Variants in KCNH8 observed in about 807,000 individuals in gnomAD.
KCNH8 encodes the protein potassium voltage-gated channel subfamily H member 8, also known as voltage-gated delayed rectifier potassium channel KCNH8.
Under a neutral mutation model 103.6 loss-of-function variants are expected in KCNH8, and 70 were observed. That is an observed-to-expected ratio of 0.68 (90% CI 0.56 to 0.82). The LOEUF is 0.82. Among genes scored for constraint, KCNH8 ranks in the 40% least tolerant of loss-of-function variants. KCNH8 has a pLI of 0.00. For missense variants in KCNH8, 1,217 were observed against 1,329.9 expected (o/e 0.92, Z 1.32); for synonymous variants, 498 against 489.4 (o/e 1.02, Z -0.23).
intron 3 of KCNH8, among the ~76,000 whole-genome samples, chr3:19,300,963 G>A (rs1420963694): frequency 1.3e-5 from 2 of 151,158 alleles, no homozygotes; most frequent in Non-Finnish European, 2.9e-5. Flanking sequence ...ATGCTTTAGG[G>A]ATAAAAAATA....
intron 8 of KCNH8, 46 bp from the exon 9 acceptor site, chr3:19,450,060 T>C (rs2067423177): frequency 6.6e-7 from 1 of 1,506,600 alleles, no homozygotes; most frequent in Admixed American, 1.7e-5. Context: ...GTGGTGGGCC[T>C]CATGTCACAT....
At chr3:19,286,250 C>T (rs1046771788) in intron 3 of KCNH8, among the ~76,000 whole-genome samples, 3 of 152,162 alleles carry the variant, frequency 2.0e-5, no homozygotes, top group Admixed American at 2.0e-4. Context: ...GAAGCCTTAA[C>T]CCCCAGTTAT....
rs142682029 is a variant in KCNH8, at chr3:19,331,633, T to G, written c.443-10954T>G. 1.0e-3 allele frequency among the ~76,000 whole-genome samples: 158 copies of G among 152,226 alleles called. 4 individuals are homozygous for G. The East Asian group carries it at 0.025, about 24-fold the overall frequency. On this transcript the variant is annotated intron_variant, in intron 3 of 15. Coordinates refer to ENST00000328405, the MANE Select transcript of KCNH8 (RefSeq NM_144633.3). ...ATGGGTACATCATAGATGTAGGTAT[T>G]TATGGGATGCATAAGATATTTTGGT...
chr3:19,484,207 G>A lies in KCNH8; in HGVS notation c.2041-26156G>A, dbSNP rs144387707. ...AAACTGTGGACATGGGAGGCCCAGA[G>A]GGGTCATAACACACATCTGGCTGGT... is the stretch of plus-strand genomic sequence containing the variant. On this transcript the variant is annotated intron_variant, in intron 11 of 15. Coordinates refer to ENST00000328405, the MANE Select transcript of KCNH8 (RefSeq NM_144633.3). Among the ~76,000 whole-genome samples the A allele has an allele frequency of 1.2e-3, 179 of 152,228 alleles. 2 individuals are homozygous for A. The highest frequency in any genetic ancestry group is 4.3e-3 in the African/African-American group (177 of 41,524).
intron 1 of KCNH8, among the ~76,000 whole-genome samples, chr3:19,151,534 T>A (rs1453101556): frequency 6.6e-6 from 1 of 152,124 alleles, no homozygotes; most frequent in Non-Finnish European, 1.5e-5. Context: ...ATTATTAGCC[T>A]TATTAATTTA....
chr3:19,314,526 T>C (rs1453803407), intron 3 of KCNH8, among the ~76,000 whole-genome samples: 1 of 151,988 alleles, frequency 6.6e-6, no homozygotes, highest in Non-Finnish European at 1.5e-5. Flanking sequence ...GCCATGGTCA[T>C]GACATTGCAG....
intron 5 of KCNH8, among the ~76,000 whole-genome samples, chr3:19,373,335 G>C (rs183838433): frequency 0.6 from 90,294 of 151,686 alleles, 27,910 homozygotes; most frequent in African/African-American, 0.77. Context: ...CTGGTTTAGT[G>C]TTGGGAGAGT....
chr3:19,431,148 G>A (rs917013053), intron 7 of KCNH8, among the ~76,000 whole-genome samples: 1 of 152,060 alleles, frequency 6.6e-6, no homozygotes, highest in Non-Finnish European at 1.5e-5. Context: ...ATTATTTTGA[G>A]GTATGTTCCT....
chr3:19,477,156 T>A (rs2067993530), intron 11 of KCNH8, among the ~76,000 whole-genome samples: 1 of 152,174 alleles, frequency 6.6e-6, no homozygotes, highest in African/African-American at 2.4e-5. Flanking sequence ...TTTAAGTATA[T>A]GGCCTATTTA....
intron 11 of KCNH8, among the ~76,000 whole-genome samples, chr3:19,489,989 G>A (rs945379876): frequency 4.6e-5 from 7 of 152,210 alleles, no homozygotes; most frequent in Non-Finnish European, 8.8e-5. Flanking sequence ...CGGACTCCAA[G>A]TGCCAGTTCC....
intron 7 of KCNH8, among the ~76,000 whole-genome samples, chr3:19,403,881 G>T (rs546670315): frequency 6.6e-6 from 1 of 151,672 alleles, no homozygotes; most frequent in South Asian, 2.1e-4. Flanking sequence ...AAAGCACCTA[G>T]TATATATTTT....
intron 3 of KCNH8, among the ~76,000 whole-genome samples, chr3:19,307,479 G>A (rs1256982711): frequency 1.3e-5 from 2 of 151,926 alleles, no homozygotes; most frequent in Non-Finnish European, 2.9e-5. Flanking sequence ...AGGACAGTAC[G>A]GAAGTTCTTC....
chr3:19,450,372 C>A, intron 9 of KCNH8, 67 bp downstream of exon 9: 2 of 1,225,026 alleles, frequency 1.6e-6, no homozygotes, highest in South Asian at 1.2e-5. Flanking sequence ...GCAAGATGTT[C>A]TAATGCAGGT....
chr3:19,153,122 G>T (rs1234156585), intron 1 of KCNH8, among the ~76,000 whole-genome samples: 2 of 152,050 alleles, frequency 1.3e-5, no homozygotes, highest in African/African-American at 2.4e-5. Flanking sequence ...CTTTGTAGAT[G>T]AATTCTGTGC....
At chr3:19,205,492 G>T (rs1205420682) in intron 1 of KCNH8, among the ~76,000 whole-genome samples, 2 of 151,922 alleles carry the variant, frequency 1.3e-5, no homozygotes, top group Non-Finnish European at 2.9e-5. Context: ...TATAAGCCAG[G>T]CACTGGGGTT....
chr3:19,381,771 G>A (rs992600824), intron 5 of KCNH8, among the ~76,000 whole-genome samples: 1 of 152,134 alleles, frequency 6.6e-6, no homozygotes, highest in Non-Finnish European at 1.5e-5. Context: ...TTCATACACT[G>A]CATATAAGAA....
intron 1 of KCNH8, among the ~76,000 whole-genome samples, chr3:19,219,082 C>G (rs1026049175): frequency 1.3e-5 from 2 of 152,172 alleles, no homozygotes; most frequent in Admixed American, 1.3e-4. Context: ...GTGGGGCAGC[C>G]ATACTACCCT....
intron 1 of KCNH8, among the ~76,000 whole-genome samples, chr3:19,182,710 A>G (rs1404754387): frequency 5.3e-5 from 8 of 152,198 alleles, no homozygotes; most frequent in Non-Finnish European, 8.8e-5. Flanking sequence ...TCTTTACTGA[A>G]TATATTCTGC....
intron 15 of KCNH8, among the ~76,000 whole-genome samples, chr3:19,532,710 G>GTACTT (rs2069184038): frequency 6.6e-6 from 1 of 152,300 alleles, no homozygotes; most frequent in Non-Finnish European, 1.5e-5. Flanking sequence ...TATATCATCA[G>GTACTT]TACTTTAGAG....
Sources: gnomAD v4.1 joint callset for allele counts (sites outside exome capture counted in the v4.1 genomes callset) on GRCh38, gnomAD v4.1.1 for gene constraint, MANE v1.5 for transcripts, NCBI Gene and HGNC (gene_info 2026-07-23, HGNC 2026-07-21) for gene names.